The following TSR1 variants were observed in gnomAD, a reference collection of about 807,000 sequenced individuals.
The protein encoded by TSR1 is TSR1 ribosome maturation factor, also known as pre-rRNA-processing protein TSR1 homolog.
In TSR1, 81 loss-of-function variants were observed where a neutral mutation model predicts 90.9. The ratio of observed to expected loss-of-function variants is 0.89; its 90% CI spans 0.74 to 1.07. The LOEUF (loss-of-function observed/expected upper bound fraction) is 1.07, where lower values mean the gene tolerates loss of function less well. Ranked by LOEUF, TSR1 falls within the 50% of genes least tolerant of loss-of-function variation. The pLI is 0.00. For synonymous variants in TSR1, 362 were observed against 348.8 expected (o/e 1.04, Z -0.42); for missense variants, 989 against 987.3 (o/e 1.00, Z -0.02).
intron 10 of TSR1, chr17:2,330,181 A>G: frequency 2.2e-6 from 1 of 462,012 alleles, no homozygotes; most frequent in Non-Finnish European, 4.3e-6. Context: ...GGCCTCCCAA[A>G]AAGTGCTGGG....
At position 2,325,399 on chromosome 17, in the gene TSR1, C is replaced by G; in HGVS notation, c.1925G>C (p.Arg642Thr). The change falls in exon 12 of 15, where the codon AGA becomes ACA. Residue 642 changes from arginine to threonine, a missense_variant. Transcript: ENST00000301364. ...CAGGGCCATGTCAGCAGTCAGGAAT[C>G]TCTGCAATTTATGTTTGTCCGCTGC... Reference protein sequence around the residue: ...HTAADKHKLQRFLTADMALVA... With the variant: ...HTAADKHKLQTFLTADMALVA... 6.2e-7 allele frequency: 1 copy of G among 1,612,294 alleles called. No homozygotes were observed. The highest frequency in any genetic ancestry group is 2.2e-5 in the East Asian group (1 of 44,840).
In TSR1 at chr17:2,323,742, T is replaced by G; in HGVS notation, c.*454A>C. ...AGTGGCTGCTGTGCTGTCTCAACAT[T>G]TTCAAACTGTTTCCCCAGAAGTAAA... On this transcript the variant is annotated 3_prime_UTR_variant, in exon 15 of 15. Coordinates refer to ENST00000301364, the MANE Select transcript of TSR1 (RefSeq NM_018128.5). 6.2e-7 allele frequency: 1 copy of G among 1,614,204 alleles called. No individual in the cohort carries two copies.
rs559510129 is a variant in TSR1 at position 2,322,805 on chromosome 17, T to C, written c.*1391A>G. 134 of 316,230 alleles carry C rather than the reference T, an allele frequency of 4.2e-4. No homozygotes were observed. The highest frequency in any genetic ancestry group is 2.5e-3 in the African/African-American group (114 of 46,144). The allele number at this position is 316,230 out of a possible 1,614,324, so 19.6% of individuals were successfully genotyped here. A position where few individuals can be genotyped will look rare whatever the true frequency, so the allele number is the denominator to read the frequency against. On this transcript the variant is annotated 3_prime_UTR_variant, in exon 15 of 15. Coordinates refer to ENST00000301364, the MANE Select transcript of TSR1 (RefSeq NM_018128.5). ...TGCTGGGATTACAGGCGTGAGCCAC[T>C]GCGCCCCACCCCATTTTGGTGTGAT...
At position 2,334,610 on chromosome 17, in the gene TSR1, C is replaced by T; in HGVS notation, c.843G>A (p.Gln281=). 1.2e-6 allele frequency: 2 copies of T among 1,614,146 alleles called. No individual in the cohort carries two copies. Among genetic ancestry groups the T allele is most frequent in the East Asian group, 2.2e-5 (1 of 44,888 alleles). The stretch of plus-strand genomic sequence containing the variant: ...GCAGCAACCTATTGACATTCAGAGT[C>T]TGCCCTCGAACATAGCCTGAAATTT... ...TLKISGYVRG[Q]TLNVNRLLHI... Residue 281 remains glutamine (Q), a synonymous_variant, in exon 5 of 15, where the codon CAG becomes CAA. Transcript: ENST00000301364.
intron 6 of TSR1, 41 bp from the exon 7 acceptor site, chr17:2,333,165 T>C (rs1290184860): frequency 1.2e-6 from 2 of 1,607,568 alleles, no homozygotes; most frequent in Admixed American, 3.4e-5. Context: ...ACAGACTTCT[T>C]TTCCCTATCC....
Position 2,335,539 on chromosome 17 carries a change from A to C in TSR1, c.393T>G (p.His131Gln), listed in dbSNP as rs528517111. 1 of 1,614,122 alleles carries C rather than the reference A, an allele frequency of 6.2e-7. No homozygotes were observed. Among genetic ancestry groups the C allele is most frequent in the African/African-American group, 1.3e-5 (1 of 75,018 alleles). ...GCCTTGCTGAGGTGAAAAACCACCG[A>C]TGTTTCAAGCGGGGGCACAGCAGCA... Reference protein sequence around the residue: ...NFMLLCPRLKHRWFFTSARPG... With the variant: ...NFMLLCPRLKQRWFFTSARPG... The change falls in exon 3 of 15, where the codon CAT becomes CAG. Residue 131 changes from histidine to glutamine, a missense_variant. His to Gln is a conservative substitution (Grantham distance 24, BLOSUM62 0). Transcript: ENST00000301364.
intron 8 of TSR1, 34 bp from the exon 9 acceptor site, chr17:2,331,143 C>A: frequency 1.3e-6 from 2 of 1,539,170 alleles, no homozygotes; most frequent in South Asian, 2.6e-5. Context: ...GACATTAAGT[C>A]AGATTTATAT....
chr17:2,335,792 T>C (rs1225590428), intron 2 of TSR1, 62 bp from the exon 3 acceptor site: 10 of 1,539,854 alleles, frequency 6.5e-6, no homozygotes, highest in East Asian at 2.3e-5. Context: ...CAGCATTGCA[T>C]TTCCACTCCC....
intron 2 of TSR1, 48 bp from the exon 3 acceptor site, chr17:2,335,778 A>C (rs1447529647): frequency 1.3e-6 from 2 of 1,571,890 alleles, no homozygotes; most frequent in African/African-American, 2.7e-5. Context: ...TCAGTACTTC[A>C]CTCCAGCATT....
intron 6 of TSR1, 191 bp downstream of exon 6, chr17:2,333,366 G>A: frequency 1.1e-6 from 1 of 888,966 alleles, no homozygotes; most frequent in Non-Finnish European, 1.8e-6. Flanking sequence ...ATTAACACAA[G>A]TAATTTTGAG....
intron 1 of TSR1, 85 bp downstream of exon 1, chr17:2,336,246 G>T (rs1029861105): frequency 1.3e-6 from 2 of 1,592,564 alleles, no homozygotes; most frequent in Admixed American, 3.3e-5. Flanking sequence ...GAGCCCAGAC[G>T]GGAGACAGAA....
Position 2,324,778 on chromosome 17 carries a change from C to G in TSR1, c.2072G>C (p.Arg691Thr), listed in dbSNP as rs201864213. Residue 691 changes from arginine to threonine, a missense_variant, in exon 13 of 15, where the codon AGA (arginine) becomes ACA (threonine). By Grantham distance (71) the Arg-to-Thr change is moderately conservative. Coordinates refer to ENST00000301364, the MANE Select transcript of TSR1 (RefSeq NM_018128.5). ...TGHLMSVDPDRMVIKRVVLSG... is the reference protein window; with the variant it reads ...TGHLMSVDPDTMVIKRVVLSG... ...CAGAACAACTCTCTTGATGACCATT[C>G]TGTCTGGATCTACTGACATAAGATG... 6.2e-7 allele frequency: 1 copy of G among 1,614,164 alleles called. No homozygotes were observed. Among genetic ancestry groups the G allele is most frequent in the Admixed American group, 1.7e-5 (1 of 60,024 alleles).
At position 2,322,667 on chromosome 17, in the gene TSR1, G is replaced by GTT; in HGVS notation, c.*1527_*1528dup. The GTT allele has an allele frequency of 1.1e-5, 1 of 90,902 alleles. No individual in the cohort carries two copies. The highest frequency in any genetic ancestry group is 1.1e-4 in the Admixed American group (1 of 8,742). 5.6% of individuals were successfully genotyped at this position (90,902 alleles called of 1,614,324 possible). Reference sequence around the variant, plus strand: ...AGGTGCCTGCCACCATGCCTGGCTAGTTTTTTTTTGTTTTTTTTTTTTGTA... The same window carrying GTT: ...AGGTGCCTGCCACCATGCCTGGCTAGTTTTTTTTTTTGTTTTTTTTTTTTGTA... On this transcript the variant is annotated 3_prime_UTR_variant, in exon 15 of 15. Coordinates refer to ENST00000301364, the MANE Select transcript of TSR1 (RefSeq NM_018128.5).
Position 2,324,370 on chromosome 17 carries a change from G to C in TSR1, c.2241C>G (p.Thr747=). The C allele has an allele frequency of 6.4e-7, 1 of 1,573,344 alleles. No individual in the cohort carries two copies. Among genetic ancestry groups the C allele is most frequent in the Non-Finnish European group, 8.6e-7 (1 of 1,161,740 alleles). ...RRGHIKEPLG[T]HGHMKCSFDG... Reference sequence around the variant, plus strand: ...CAAAGCTGCATTTCATGTGGCCATGGGTACCTAGAAAGACATCAGAACAAG... The same window carrying C: ...CAAAGCTGCATTTCATGTGGCCATGCGTACCTAGAAAGACATCAGAACAAG... The change falls in exon 15 of 15, where the codon ACC becomes ACG. Residue 747 remains threonine, a synonymous_variant. Transcript: ENST00000301364.
intron 11 of TSR1, among the ~76,000 whole-genome samples, chr17:2,328,258 AAAAAG>A (rs1393358712): frequency 1.3e-5 from 2 of 151,252 alleles, no homozygotes; most frequent in African/African-American, 4.9e-5. Flanking sequence ...AAAAAAAAAA[AAAAAG>A]AGGCCAGGCA....
At position 2,324,802 on chromosome 17, in the gene TSR1, T is replaced by C. The variant is rs780389165; in HGVS notation, c.2048A>G (p.His683Arg). The C allele has an allele frequency of 1.9e-6, 3 of 1,613,996 alleles. No individual in the cohort carries two copies. Among genetic ancestry groups the C allele is most frequent in the Non-Finnish European group, 2.5e-6 (3 of 1,179,992 alleles). ...NGMHSLIATG[H>R]LMSVDPDRMV... Reference sequence around the variant, plus strand: ...TCTGTCTGGATCTACTGACATAAGATGGCCTGTAGCAATGAGGCTGTGCAT... The same window carrying C: ...TCTGTCTGGATCTACTGACATAAGACGGCCTGTAGCAATGAGGCTGTGCAT... Residue 683 changes from histidine to arginine, a missense_variant, in exon 13 of 15, where the codon CAT becomes CGT. Physicochemically the swap from His to Arg is conservative, Grantham distance 29 (BLOSUM62 0). Coordinates refer to ENST00000301364, the MANE Select transcript of TSR1 (RefSeq NM_018128.5).
chr17:2,332,507 C>G (rs914707613), intron 7 of TSR1, 148 bp from the exon 8 acceptor site: 6 of 734,778 alleles, frequency 8.2e-6, no homozygotes, highest in African/African-American at 1.8e-5. Context: ...AAACAAAAGC[C>G]TCATTCCTGG....
Position 2,323,546 on chromosome 17 carries a change from T to C in TSR1, c.*650A>G. ...AAAGAAAAGCTTTGGGAAGCGTGTG[T>C]ACACAGTGATAAGAAAATTCAAACT... is the stretch of plus-strand genomic sequence containing the variant. On this transcript the variant is annotated 3_prime_UTR_variant, in exon 15 of 15. Transcript: ENST00000301364. 1 of 1,271,686 alleles carries C rather than the reference T, an allele frequency of 7.9e-7. No individual in the cohort carries two copies. The highest frequency in any genetic ancestry group is 2.3e-5 in the East Asian group (1 of 42,714). The allele number at this position is 1,271,686 out of a possible 1,614,324, so 78.8% of individuals were successfully genotyped here. A position where few individuals can be genotyped will look rare whatever the true frequency, so the allele number is the denominator to read the frequency against.
rs1442090354 is a variant in TSR1 at position 2,329,468 on chromosome 17, A to G, written c.1778T>C (p.Val593Ala). Reference protein sequence around the residue: ...SLLPHEQKMSVLNMVVRRDPG... With the variant: ...SLLPHEQKMSALNMVVRRDPG... The stretch of plus-strand genomic sequence containing the variant: ...GTCACGCCTCACCACCATATTCAAT[A>G]CTGACATCTGGGGACCAAGTAAGAA... Residue 593 changes from valine (V) to alanine (A), a missense_variant, in exon 11 of 15, where the codon GTA becomes GCA. Physicochemically the swap from Val to Ala is moderately conservative, Grantham distance 64 (BLOSUM62 0). Coordinates refer to ENST00000301364, the MANE Select transcript of TSR1 (RefSeq NM_018128.5). 4 of 1,614,034 alleles carry G rather than the reference A, an allele frequency of 2.5e-6. No homozygotes were observed. The highest frequency in any genetic ancestry group is 2.7e-5 in the African/African-American group (2 of 74,922).
Sources: allele counts gnomAD v4.1 joint callset (sites outside exome capture counted in the v4.1 genomes callset), GRCh38; gene constraint gnomAD v4.1.1; transcripts MANE v1.5; gene names NCBI Gene and HGNC (gene_info 2026-07-23, HGNC 2026-07-21).